The following CCDC91 variants were observed in gnomAD, a reference collection of about 807,000 sequenced individuals.
CCDC91 encodes the protein coiled-coil domain-containing protein 91.
CCDC91 carries 48 observed loss-of-function variants against 63.2 expected under a neutral mutation model. The ratio of observed to expected loss-of-function variants is 0.76; its 90% CI spans 0.60 to 0.97. The LOEUF is 0.97. CCDC91 is among the 50% of genes least tolerant of loss of function. The pLI is 0.00. For synonymous variants in CCDC91, 167 were observed against 165.8 expected (o/e 1.01, Z -0.06); for missense variants, 500 against 494.6 (o/e 1.01, Z -0.10).
intron 12 of CCDC91, among the ~76,000 whole-genome samples, chr12:28,546,046 T>G (rs1942967884): frequency 6.6e-6 from 1 of 152,110 alleles, no homozygotes; most frequent in Admixed American, 6.6e-5. Context: ...ATATGTTATA[T>G]GTACACAAGT....
At chr12:28,334,377 T>C (rs1473155848) in intron 6 of CCDC91, among the ~76,000 whole-genome samples, 1 of 152,168 alleles carries the variant, frequency 6.6e-6, no homozygotes, top group Non-Finnish European at 1.5e-5. Flanking sequence ...TAATATGAGC[T>C]CTTTATATTC....
intron 1 of CCDC91, among the ~76,000 whole-genome samples, chr12:28,193,385 G>A (rs1466141807): frequency 3.3e-5 from 5 of 152,122 alleles, no homozygotes; most frequent in Non-Finnish European, 5.9e-5. Flanking sequence ...GGCAGCTCAC[G>A]AGGTCAGGAG....
chr12:28,468,624 AC>A (rs1428155822), intron 11 of CCDC91, among the ~76,000 whole-genome samples: 2 of 151,900 alleles, frequency 1.3e-5, no homozygotes, highest in African/African-American at 4.8e-5. Context: ...TCAAAACCAA[AC>A]AAAGACACCA....
chr12:28,209,337 C>T (rs2135494810), intron 1 of CCDC91, among the ~76,000 whole-genome samples: 1 of 152,292 alleles, frequency 6.6e-6, no homozygotes, highest in Middle Eastern at 3.4e-3. Flanking sequence ...TGCTTTTATT[C>T]CCATTTTCAA....
intron 6 of CCDC91, among the ~76,000 whole-genome samples, chr12:28,348,200 G>A (rs1208111219): frequency 6.6e-6 from 1 of 152,166 alleles, no homozygotes; most frequent in Non-Finnish European, 1.5e-5. Flanking sequence ...AGACCCATGT[G>A]TAGCCCTCCA....
rs547562192 is a variant in CCDC91 at position 28,261,912 on chromosome 12, T to C, written c.109+2470T>C. ...AATTAGATCTGAAGAATTAACTCTT[T>C]CTAGATTTTCTCAGTGACTTGCAGA... is the stretch of plus-strand genomic sequence containing the variant. On this transcript the variant is annotated intron_variant, in intron 3 of 12. Transcript: ENST00000536442. 7.2e-5 allele frequency among the ~76,000 whole-genome samples: 11 copies of C among 152,068 alleles called. No homozygotes were observed. In the East Asian group the frequency reaches 1.4e-3, roughly 19 times the overall value.
chr12:28,434,495 A>G (rs1592663671), intron 8 of CCDC91, among the ~76,000 whole-genome samples: 1 of 149,042 alleles, frequency 6.7e-6, no homozygotes, highest in East Asian at 2.0e-4. Context: ...CTCTTTATAC[A>G]TTGTTGGATT....
intron 6 of CCDC91, among the ~76,000 whole-genome samples, chr12:28,320,040 T>C (rs1940323425): frequency 6.6e-6 from 1 of 151,894 alleles, no homozygotes; most frequent in African/African-American, 2.4e-5. Flanking sequence ...ACATGACCTC[T>C]TTTGATCTAC....
chr12:28,307,150 G>A (rs1376383579), intron 5 of CCDC91, among the ~76,000 whole-genome samples: 2 of 151,762 alleles, frequency 1.3e-5, no homozygotes, highest in African/African-American at 2.4e-5. Context: ...TATGAACATC[G>A]TTTACTAGGT....
chr12:28,266,650 A>G (rs1044935064), intron 3 of CCDC91, among the ~76,000 whole-genome samples: 2 of 151,956 alleles, frequency 1.3e-5, no homozygotes, highest in Non-Finnish European at 2.9e-5. Flanking sequence ...ACAGTATTTT[A>G]TGGTACCTGC....
At chr12:28,397,838 C>T (rs1002724963) in intron 8 of CCDC91, among the ~76,000 whole-genome samples, 1 of 151,940 alleles carries the variant, frequency 6.6e-6, no homozygotes, top group Non-Finnish European at 1.5e-5. Flanking sequence ...TTATGTTGCC[C>T]TTAATCTTTT....
intron 7 of CCDC91, among the ~76,000 whole-genome samples, chr12:28,373,927 A>G (rs1944783692): frequency 6.6e-6 from 1 of 152,250 alleles, no homozygotes; most frequent in South Asian, 2.1e-4. Context: ...CCCTATGAAG[A>G]AGGTGCATTG....
chr12:28,208,895 G>T (rs1943038167), intron 1 of CCDC91, among the ~76,000 whole-genome samples: 1 of 152,112 alleles, frequency 6.6e-6, no homozygotes, highest in Non-Finnish European at 1.5e-5. Context: ...CTGCCTCCCG[G>T]GTTCACGCCA....
chr12:28,493,492 CA>C (rs533259765), intron 12 of CCDC91, among the ~76,000 whole-genome samples: 47 of 151,550 alleles, frequency 3.1e-4, no homozygotes, highest in Admixed American at 2.0e-4. Flanking sequence ...ACACTGAACA[CA>C]AAAGCAGCTA....
At chr12:28,401,423 T>TA (rs2139511171) in intron 8 of CCDC91, among the ~76,000 whole-genome samples, 1 of 152,120 alleles carries the variant, frequency 6.6e-6, no homozygotes, top group Admixed American at 6.5e-5. Flanking sequence ...TCCCATAAGG[T>TA]ACCTCCCACG....
rs555073936 is a variant in CCDC91, at chr12:28,527,332, G to A, written c.1216-21731G>A. 3.9e-5 allele frequency among the ~76,000 whole-genome samples: 6 copies of A among 152,306 alleles called. No individual in the cohort carries two copies. The East Asian group carries it at 1.2e-3, about 29-fold the overall frequency. On this transcript the variant is annotated intron_variant, in intron 12 of 12. Coordinates refer to ENST00000536442, the MANE Select transcript of CCDC91 (RefSeq NM_018318.5). ...AATACTCTTCTCCTTTCCTAGGGAT[G>A]GGGGTTCCCGAGAGCTGAGCTGTAA...
chr12:28,411,953 A>G (rs1555206539), intron 8 of CCDC91, among the ~76,000 whole-genome samples: 2 of 152,104 alleles, frequency 1.3e-5, no homozygotes, highest in Non-Finnish European at 2.9e-5. Context: ...ACTAGGCCCT[A>G]CCCCCCAACA....
chr12:28,204,058 AGGTAAAT>A (rs997103744), intron 1 of CCDC91, among the ~76,000 whole-genome samples: 3 of 152,138 alleles, frequency 2.0e-5, no homozygotes, highest in Non-Finnish European at 2.9e-5. Context: ...TAATTATTGA[AGGTAAAT>A]GATCTCTCCC....
intron 3 of CCDC91, among the ~76,000 whole-genome samples, chr12:28,260,490 CTT>C (rs1241202176): frequency 2.0e-5 from 3 of 151,920 alleles, no homozygotes; most frequent in African/African-American, 7.2e-5. Flanking sequence ...TGGGAATTGT[CTT>C]TATTGCTTCT....
Sources: gnomAD v4.1 joint callset for allele counts (sites outside exome capture counted in the v4.1 genomes callset) on GRCh38, gnomAD v4.1.1 for gene constraint, MANE v1.5 for transcripts, NCBI Gene and HGNC (gene_info 2026-07-23, HGNC 2026-07-21) for gene names.